The following ABTB3 variants were observed in gnomAD, a reference collection of about 807,000 sequenced individuals.
ABTB3 encodes the protein ankyrin repeat and BTB domain containing 3, also known as ankyrin repeat- and BTB/POZ domain-containing protein 3.
chr12:107,462,919 G>C, the ABTB3 span, among the ~76,000 whole-genome samples: 1 of 151,554 alleles, frequency 6.6e-6, no homozygotes, highest in Admixed American at 6.6e-5. Flanking sequence ...GTGTAGTGAC[G>C]GTGATGATGA....
the ABTB3 span, among the ~76,000 whole-genome samples, chr12:107,431,830 C>T: frequency 3.9e-4 from 59 of 152,246 alleles, no homozygotes; most frequent in Middle Eastern, 3.4e-3. Flanking sequence ...CTAGGGAATC[C>T]GGGAGTGGCT....
the ABTB3 span, among the ~76,000 whole-genome samples, chr12:107,423,994 A>G: frequency 6.6e-6 from 1 of 152,158 alleles, no homozygotes; most frequent in East Asian, 1.9e-4. Flanking sequence ...CAAAGCCCCA[A>G]ATTTGCCCAT....
At chr12:107,446,447 T>A in the ABTB3 span, among the ~76,000 whole-genome samples, 1 of 152,192 alleles carries the variant, frequency 6.6e-6, no homozygotes, top group East Asian at 1.9e-4. Context: ...TTGGTCAGGT[T>A]TTATAAATTA....
the ABTB3 span, among the ~76,000 whole-genome samples, chr12:107,353,629 C>T: frequency 6.6e-5 from 10 of 152,070 alleles, no homozygotes; most frequent in Non-Finnish European, 1.5e-4. Flanking sequence ...TAGAGTGGTC[C>T]CCAACCCCTG....
the ABTB3 span, among the ~76,000 whole-genome samples, chr12:107,492,837 G>A: frequency 6.6e-6 from 1 of 152,146 alleles, no homozygotes; most frequent in Non-Finnish European, 1.5e-5. Flanking sequence ...GCCTGTTTAT[G>A]AGCTTTGTGC....
At chr12:107,319,727 G>A in the ABTB3 span, 7 of 1,530,840 alleles carry the variant, frequency 4.6e-6, no homozygotes, top group South Asian at 1.2e-5. Context: ...GAGCTGCAGT[G>A]GCCCTGGGTC....
chr12:107,321,502 T>G, the ABTB3 span, among the ~76,000 whole-genome samples: 2 of 151,626 alleles, frequency 1.3e-5, no homozygotes, highest in Admixed American at 1.3e-4. Context: ...GGGAGGGGAA[T>G]CCGCACTGAT....
At chr12:107,523,442 C>A in the ABTB3 span, among the ~76,000 whole-genome samples, 2 of 152,152 alleles carry the variant, frequency 1.3e-5, no homozygotes, top group South Asian at 4.1e-4. Flanking sequence ...AACCTGTGGA[C>A]CCTGTTTCAG....
the ABTB3 span, among the ~76,000 whole-genome samples, chr12:107,499,196 C>T: frequency 6.6e-6 from 1 of 152,120 alleles, no homozygotes; most frequent in East Asian, 1.9e-4. Flanking sequence ...CCTGTGATTT[C>T]ATGACTTACT....
the ABTB3 span, among the ~76,000 whole-genome samples, chr12:107,488,082 A>C: frequency 6.6e-6 from 1 of 152,074 alleles, no homozygotes; most frequent in Non-Finnish European, 1.5e-5. Context: ...GAGTACCTTC[A>C]AGGAGGGATG....
At chr12:107,611,279 C>T in the ABTB3 span, among the ~76,000 whole-genome samples, 28 of 152,124 alleles carry the variant, frequency 1.8e-4, no homozygotes, top group African/African-American at 6.8e-4. Flanking sequence ...CTCTTAGGCT[C>T]AAGAGATCCT....
chr12:107,593,626 A>G, the ABTB3 span, among the ~76,000 whole-genome samples: 3 of 152,260 alleles, frequency 2.0e-5, no homozygotes, highest in African/African-American at 4.8e-5. Context: ...TGGATTAATT[A>G]GGATATAGAT....
chr12:107,333,622 C>T, the ABTB3 span, among the ~76,000 whole-genome samples: 1 of 152,146 alleles, frequency 6.6e-6, no homozygotes, highest in African/African-American at 2.4e-5. Flanking sequence ...TGTAGAAGTG[C>T]TCTGTAAACT....
the ABTB3 span, among the ~76,000 whole-genome samples, chr12:107,352,973 A>G: frequency 2.6e-5 from 4 of 152,120 alleles, no homozygotes; most frequent in African/African-American, 9.7e-5. Flanking sequence ...GAGGGTAAGT[A>G]TTTTGCCCCT....
the ABTB3 span, among the ~76,000 whole-genome samples, chr12:107,566,648 T>TACAC: frequency 0.092 from 12,595 of 136,350 alleles, 594 homozygotes; most frequent in Middle Eastern, 0.11. Flanking sequence ...CTAATTTAAA[T>TACAC]ACACACACAC....
At chr12:107,426,917 G>T in the ABTB3 span, among the ~76,000 whole-genome samples, 1 of 152,068 alleles carries the variant, frequency 6.6e-6, no homozygotes, top group African/African-American at 2.4e-5. Flanking sequence ...CTGTGACCTG[G>T]CAGTAGCCCC....
chr12:107,577,584 C>A, the ABTB3 span, among the ~76,000 whole-genome samples: 1 of 152,068 alleles, frequency 6.6e-6, no homozygotes, highest in African/African-American at 2.4e-5. Context: ...TGGCTTGACT[C>A]TGCAGGAAGC....
chr12:107,635,999 G>A, the ABTB3 span, among the ~76,000 whole-genome samples: 1 of 152,126 alleles, frequency 6.6e-6, no homozygotes, highest in African/African-American at 2.4e-5. Context: ...CGTGCACTGT[G>A]CCGGCTCCAG....
the ABTB3 span, among the ~76,000 whole-genome samples, chr12:107,559,807 C>T: frequency 6.6e-6 from 1 of 152,130 alleles, no homozygotes; most frequent in East Asian, 1.9e-4. Flanking sequence ...GCTCTCCTCA[C>T]AGACTACATC....
Sources: gnomAD v4.1 joint callset for allele counts (sites outside exome capture counted in the v4.1 genomes callset) on GRCh38, gnomAD v4.1.1 for gene constraint, MANE v1.5 for transcripts, NCBI Gene and HGNC (gene_info 2026-07-23, HGNC 2026-07-21) for gene names.